GRXCR2: variants seen among roughly 807,000 people sequenced by gnomAD.
GRXCR2 encodes the protein glutaredoxin domain-containing cysteine-rich protein 2.
Under a neutral mutation model 24.8 loss-of-function variants are expected in GRXCR2, and 23 were observed. The ratio of observed to expected loss-of-function variants is 0.93; its 90% CI spans 0.67 to 1.32. The LOEUF (loss-of-function observed/expected upper bound fraction) is 1.32, where lower values mean the gene tolerates loss of function less well. GRXCR2 is among the 40% of genes most tolerant of loss of function. The pLI, the probability that GRXCR2 is intolerant of heterozygous loss-of-function variation, is 0.00. For missense variants in GRXCR2, 315 were observed against 303.4 expected (o/e 1.04, Z -0.28); for synonymous variants, 130 against 116.1 (o/e 1.12, Z -0.77).
chr5:145,929,110 C>T (rs1459295832), intron 2 of GRXCR2, among the ~76,000 whole-genome samples: 1 of 149,302 alleles, frequency 6.7e-6, no homozygotes, highest in African/African-American at 2.5e-5. Context: ...ACTCATATAA[C>T]TTAAGTTTCA....
At chr5:145,862,017 A>G (rs1322192445) in intron 2 of GRXCR2, among the ~76,000 whole-genome samples, 1 of 152,254 alleles carries the variant, frequency 6.6e-6, no homozygotes, top group Admixed American at 6.5e-5. Context: ...TTAACAATGG[A>G]GAATTTGTTT....
chr5:145,922,031 A>C (rs73310105), intron 2 of GRXCR2, among the ~76,000 whole-genome samples: 6,304 of 152,278 alleles, frequency 0.041, 372 homozygotes, highest in African/African-American at 0.13. Flanking sequence ...ATCTAAAGGG[A>C]ATCTCTGTCA....
In GRXCR2 at chr5:145,858,630, A is replaced by C. The variant is rs1022661783; in HGVS notation, c.*1103T>G. On this transcript the variant is annotated 3_prime_UTR_variant, in exon 3 of 3. Coordinates refer to ENST00000377976, the MANE Select transcript of GRXCR2 (RefSeq NM_001080516.2). Reference sequence around the variant, plus strand: ...AATAACAAACAAATCTTGAGAAATTATTAAGTTATGAAATCAAAATTATTA... The same window carrying C: ...AATAACAAACAAATCTTGAGAAATTCTTAAGTTATGAAATCAAAATTATTA... The C allele has an allele frequency of 6.6e-6, 1 of 152,192 alleles. No individual in the cohort carries two copies. 9.4% of individuals were successfully genotyped at this position (152,192 alleles called of 1,614,324 possible).
intron 2 of GRXCR2, among the ~76,000 whole-genome samples, chr5:145,904,677 C>T (rs1757067001): frequency 6.6e-6 from 1 of 152,256 alleles, no homozygotes; most frequent in African/African-American, 2.4e-5. Flanking sequence ...AAGTCAGATG[C>T]TGGCCTGATG....
intron 2 of GRXCR2, among the ~76,000 whole-genome samples, chr5:145,930,060 CTTTATTTA>C (rs77261565): frequency 6.6e-5 from 10 of 151,170 alleles, no homozygotes; most frequent in Non-Finnish European, 1.5e-4. Context: ...TTGGGCTAGT[CTTTATTTA>C]TTTATTTATT....
intron 2 of GRXCR2, among the ~76,000 whole-genome samples, chr5:145,915,568 T>G (rs943871964): frequency 3.9e-5 from 6 of 152,052 alleles, no homozygotes. Flanking sequence ...GTGGATCACT[T>G]GAGGTCAGAT....
At chr5:145,885,858 A>G (rs1756772704) in intron 2 of GRXCR2, among the ~76,000 whole-genome samples, 1 of 152,196 alleles carries the variant, frequency 6.6e-6, no homozygotes, top group Non-Finnish European at 1.5e-5. Flanking sequence ...TTCATAATGA[A>G]AAACAGCTAC....
At chr5:145,900,383 C>T (rs185148356) in intron 2 of GRXCR2, among the ~76,000 whole-genome samples, 76 of 152,250 alleles carry the variant, frequency 5.0e-4, no homozygotes, top group Middle Eastern at 6.8e-3. Flanking sequence ...GCTTTCTGTA[C>T]AGCCTGAGGA....
rs118145708 is a variant in GRXCR2, at chr5:145,889,805, A to C, written c.-69-23077T>G. On this transcript the variant is annotated intron_variant, in intron 2 of 3. Coordinates refer to the GRXCR2 transcript ENST00000639411. ...CTCACTGAGATCCAAGACAAGGTTG[A>C]AAATCAACAGAAAGAAACTTCCAAA... Among the ~76,000 whole-genome samples the C allele has an allele frequency of 5.9e-5, 9 of 152,368 alleles. No homozygotes were observed. In the East Asian group the frequency reaches 1.7e-3, roughly 29 times the overall value.
intron 2 of GRXCR2, among the ~76,000 whole-genome samples, chr5:145,885,025 C>G (rs1204011075): frequency 6.6e-6 from 1 of 151,966 alleles, no homozygotes; most frequent in Non-Finnish European, 1.5e-5. Flanking sequence ...CATTTCTAAT[C>G]AGAGTAGGGC....
intron 2 of GRXCR2, among the ~76,000 whole-genome samples, chr5:145,882,648 T>C (rs1756719777): frequency 6.6e-6 from 1 of 152,142 alleles, no homozygotes; most frequent in Admixed American, 6.5e-5. Flanking sequence ...GAATTACCAT[T>C]TGACCCAGCC....
chr5:145,866,574 T>C lies in GRXCR2; in HGVS notation c.491A>G (p.Tyr164Cys), dbSNP rs770597524. The C allele has an allele frequency of 1.2e-6, 2 of 1,614,056 alleles. No individual in the cohort carries two copies. The highest frequency in any genetic ancestry group is 4.5e-5 in the East Asian group (2 of 44,900). ...TCTATCGTGCTGGTCCCTGCCTCCATAGCTTTCTTCTTTGTTCATCAGAGA... is the reference window on the plus strand; with the variant it reads ...TCTATCGTGCTGGTCCCTGCCTCCACAGCTTTCTTCTTTGTTCATCAGAGA... ...EESLMNKEES[Y>C]GGRDQHDRPL... Residue 164 changes from tyrosine to cysteine, a missense_variant, in exon 2 of 3, where the codon TAT (tyrosine) becomes TGT (cysteine). Coordinates refer to ENST00000377976, the MANE Select transcript of GRXCR2 (RefSeq NM_001080516.2).
chr5:145,924,576 A>T (rs1205154968), intron 2 of GRXCR2, among the ~76,000 whole-genome samples: 2 of 152,160 alleles, frequency 1.3e-5, no homozygotes, highest in African/African-American at 4.8e-5. Flanking sequence ...AGTTGCAATA[A>T]AGTATTGACG....
At chr5:145,882,241 G>A (rs975660425) in intron 2 of GRXCR2, among the ~76,000 whole-genome samples, 5 of 152,066 alleles carry the variant, frequency 3.3e-5, no homozygotes, top group Non-Finnish European at 7.4e-5. Context: ...GCAACCTACA[G>A]AATGGGAGAA....
At chr5:145,865,814 A>AT (rs1756419185) in intron 2 of GRXCR2, among the ~76,000 whole-genome samples, 1 of 152,166 alleles carries the variant, frequency 6.6e-6, no homozygotes, top group Non-Finnish European at 1.5e-5. Flanking sequence ...GATAACACCA[A>AT]TAATAGAAGA....
intron 2 of GRXCR2, among the ~76,000 whole-genome samples, chr5:145,916,913 C>G (rs887193656): frequency 6.6e-6 from 1 of 152,126 alleles, no homozygotes; most frequent in Admixed American, 6.5e-5. Context: ...TGTCACACAG[C>G]TAAGAGGTTA....
upstream of GRXCR2, among the ~76,000 whole-genome samples, chr5:145,875,329 T>A (rs1756596931): frequency 1.3e-5 from 2 of 152,142 alleles, no homozygotes; most frequent in Admixed American, 1.3e-4. Context: ...GGCAGGTGGA[T>A]CACGAGGTCA....
chr5:145,923,769 T>C (rs1408402498), intron 2 of GRXCR2, among the ~76,000 whole-genome samples: 2 of 152,202 alleles, frequency 1.3e-5, no homozygotes, highest in Non-Finnish European at 2.9e-5. Context: ...TTTTCCATTA[T>C]ATCCATATCG....
intron 2 of GRXCR2, among the ~76,000 whole-genome samples, chr5:145,882,793 C>T (rs1388855081): frequency 6.6e-6 from 1 of 152,022 alleles, no homozygotes; most frequent in East Asian, 1.9e-4. Context: ...CAGTGATAGA[C>T]TGGATTAAGA....
Sources: allele counts gnomAD v4.1 joint callset (sites outside exome capture counted in the v4.1 genomes callset), GRCh38; gene constraint gnomAD v4.1.1; transcripts MANE v1.5; gene names NCBI Gene and HGNC (gene_info 2026-07-23, HGNC 2026-07-21).